Variants in TRIQK observed in about 807,000 individuals in gnomAD.
TRIQK encodes triple QxxK/R motif containing.
TRIQK carries 10 observed loss-of-function variants against 10.8 expected under a neutral mutation model. That is an observed-to-expected ratio of 0.92 (90% confidence interval 0.57 to 1.57). The LOEUF (loss-of-function observed/expected upper bound fraction) is 1.57, where lower values mean the gene tolerates loss of function less well. TRIQK is among the 40% of genes most tolerant of loss of function. The probability of loss-of-function intolerance (pLI) is 0.00; values close to 1 mark genes in which losing one functional copy is unlikely to be tolerated. For synonymous variants in TRIQK, 33 were observed against 33.7 expected (o/e 0.98, Z 0.07); for missense variants, 107 against 97.7 (o/e 1.09, Z -0.40).
At chr8:92,956,612 T>C (rs112290434) in intron 1 of TRIQK, among the ~76,000 whole-genome samples, 150 of 151,984 alleles carry the variant, frequency 9.9e-4, no homozygotes, top group Non-Finnish European at 1.8e-3. Flanking sequence ...TCTAAAATGT[T>C]TGGGCCAGAT....
chr8:92,986,367 T>C (rs913333845), intron 1 of TRIQK, among the ~76,000 whole-genome samples: 2 of 152,200 alleles, frequency 1.3e-5, no homozygotes, highest in African/African-American at 4.8e-5. Context: ...ACTTCAAAGA[T>C]TTTTCTTCTA....
At chr8:92,946,776 T>C (rs1329861341) in intron 2 of TRIQK, among the ~76,000 whole-genome samples, 2 of 151,056 alleles carry the variant, frequency 1.3e-5, no homozygotes, top group African/African-American at 2.4e-5. Context: ...TTTTTTTTTT[T>C]CTGAGATGGA....
intron 2 of TRIQK, among the ~76,000 whole-genome samples, chr8:92,952,081 A>G (rs868641324): frequency 1.4e-4 from 20 of 144,894 alleles, no homozygotes; most frequent in Non-Finnish European, 2.0e-4. Flanking sequence ...ACTAAAAGGG[A>G]AAAAAAAAAA....
chr8:92,982,013 A>AATT (rs1335075978), intron 1 of TRIQK, among the ~76,000 whole-genome samples: 1 of 151,810 alleles, frequency 6.6e-6, no homozygotes, highest in Non-Finnish European at 1.5e-5. Context: ...TTATATGAAA[A>AATT]TAATAACTTT....
At chr8:92,926,034 C>A (rs762323422) in intron 2 of TRIQK, among the ~76,000 whole-genome samples, 20 of 151,734 alleles carry the variant, frequency 1.3e-4, no homozygotes, top group Non-Finnish European at 2.6e-4. Context: ...GAGCCAAGAT[C>A]GCGCCACTGC....
At chr8:92,947,395 C>T (rs1470767406) in intron 2 of TRIQK, among the ~76,000 whole-genome samples, 2 of 151,256 alleles carry the variant, frequency 1.3e-5, no homozygotes, top group East Asian at 4.0e-4. Flanking sequence ...CCAACCTGGC[C>T]AATATGGTGA....
intron 1 of TRIQK, among the ~76,000 whole-genome samples, chr8:92,979,943 ATCATTTTATTT>A (rs1387203338): frequency 6.6e-6 from 1 of 152,096 alleles, no homozygotes; most frequent in East Asian, 1.9e-4. Flanking sequence ...AACTGTATAT[ATCATTTTATTT>A]TCATTATTTC....
In TRIQK at chr8:93,013,784, T is replaced by C. The variant is rs191062267; in HGVS notation, c.-181+3825A>G. ...TTCCATTTTCTTAAATAATAATAAT[T>C]GCTAGCAGCCCAATTCTAATAAACA... is the stretch of plus-strand genomic sequence containing the variant. On this transcript the variant is annotated intron_variant, in intron 1 of 4. Transcript: ENST00000520686. 9.2e-5 allele frequency among the ~76,000 whole-genome samples: 14 copies of C among 152,270 alleles called. No individual in the cohort carries two copies. The East Asian group carries it at 2.7e-3, about 29-fold the overall frequency.
chr8:92,888,784 T>G (rs7840252), intron 4 of TRIQK, among the ~76,000 whole-genome samples: 77,613 of 151,332 alleles, frequency 0.51, 23,654 homozygotes, highest in Non-Finnish European at 0.7. Flanking sequence ...ATTTTATTTA[T>G]GTAACAAAAC....
At chr8:92,991,685 A>T (rs1813097747) in intron 1 of TRIQK, among the ~76,000 whole-genome samples, 1 of 152,200 alleles carries the variant, frequency 6.6e-6, no homozygotes, top group South Asian at 2.1e-4. Flanking sequence ...AATAAAGCGT[A>T]TTCAAATGGG....
At chr8:93,008,999 C>A (rs772420082) in intron 1 of TRIQK, among the ~76,000 whole-genome samples, 1 of 152,032 alleles carries the variant, frequency 6.6e-6, no homozygotes, top group Non-Finnish European at 1.5e-5. Flanking sequence ...AGCTTCTGCA[C>A]AGAAAAGGGA....
intron 1 of TRIQK, among the ~76,000 whole-genome samples, chr8:93,017,018 A>G (rs1229009411): frequency 6.6e-6 from 1 of 152,166 alleles, no homozygotes; most frequent in Non-Finnish European, 1.5e-5. Flanking sequence ...AGTATAATAT[A>G]TGTCACATGA....
At chr8:92,982,934 A>G (rs1813000651) in intron 1 of TRIQK, among the ~76,000 whole-genome samples, 1 of 151,886 alleles carries the variant, frequency 6.6e-6, no homozygotes, top group Admixed American at 6.6e-5. Context: ...GGTCTATTCA[A>G]TCTATAAGTG....
chr8:92,892,069 G>C lies in TRIQK; in HGVS notation c.67C>G (p.Gln23Glu), dbSNP rs1816796400. 6.6e-7 allele frequency: 1 copy of C among 1,518,070 alleles called. No individual in the cohort carries two copies. The highest frequency in any genetic ancestry group is 2.0e-5 in the Admixed American group (1 of 50,272). 94.0% of individuals were successfully genotyped at this position (1,518,070 alleles called of 1,614,324 possible). ...VDQYRKQIGK[Q>E]DYKKTKPILR... The stretch of plus-strand genomic sequence containing the variant: ...ATAGGTTTAGTTTTTTTATAATCCT[G>C]TTTACCTAGAAAGAAATAGTTTCAG... The change falls in exon 4 of 5, where the codon CAG becomes GAG. Residue 23 changes from glutamine (Q) to glutamate (E), a missense_variant. By Grantham distance (29) the Gln-to-Glu change is conservative. Transcript: ENST00000521988.
intron 2 of TRIQK, among the ~76,000 whole-genome samples, chr8:92,927,709 G>A (rs1047958861): frequency 6.6e-6 from 1 of 152,114 alleles, no homozygotes; most frequent in Non-Finnish European, 1.5e-5. Flanking sequence ...CAGGATTTGG[G>A]TGAGGACACA....
chr8:92,926,916 T>C (rs889983343), intron 2 of TRIQK, among the ~76,000 whole-genome samples: 1 of 152,104 alleles, frequency 6.6e-6, no homozygotes, highest in Non-Finnish European at 1.5e-5. Flanking sequence ...CTGGGTGCAG[T>C]CACTTGTGCC....
intron 1 of TRIQK, among the ~76,000 whole-genome samples, chr8:92,958,533 A>G (rs1028448971): frequency 6.6e-6 from 1 of 151,990 alleles, no homozygotes; most frequent in African/African-American, 2.4e-5. Context: ...TAAAACTGTA[A>G]AATATTTACA....
At chr8:92,973,101 C>A (rs530614833) in intron 1 of TRIQK, 1 of 152,168 alleles carries the variant, frequency 6.6e-6, no homozygotes, top group Non-Finnish European at 1.5e-5. Flanking sequence ...TGAGGTAAGC[C>A]TGTTATCAAA....
At chr8:92,951,077 T>C (rs1415338822) in intron 2 of TRIQK, among the ~76,000 whole-genome samples, 1 of 152,104 alleles carries the variant, frequency 6.6e-6, no homozygotes, top group Non-Finnish European at 1.5e-5. Flanking sequence ...ATGTAAACAA[T>C]TGTTTTACTG....
Sources: allele counts gnomAD v4.1 joint callset (sites outside exome capture counted in the v4.1 genomes callset), GRCh38; gene constraint gnomAD v4.1.1; transcripts MANE v1.5; gene names NCBI Gene and HGNC (gene_info 2026-07-23, HGNC 2026-07-21).